TLE4: variants seen among roughly 807,000 people sequenced by gnomAD.
The protein encoded by TLE4 is transducin-like enhancer protein 4.
TLE4 carries 8 observed loss-of-function variants against 92.8 expected under a neutral mutation model. The observed-to-expected ratio is 0.09, with a 90% confidence interval of 0.05 to 0.16. The LOEUF is 0.16. Among genes scored for constraint, TLE4 ranks in the 10% least tolerant of loss-of-function variants. The pLI is 1.00. For synonymous variants in TLE4, 371 were observed against 374.1 expected (o/e 0.99, Z 0.10); for missense variants, 675 against 997.6 (o/e 0.68, Z 4.36).
chr9:79,618,848 TAAA>T (rs1233806131), intron 5 of TLE4, among the ~76,000 whole-genome samples: 2 of 152,160 alleles, frequency 1.3e-5, no homozygotes, highest in African/African-American at 4.8e-5. Context: ...ACAAATGAAA[TAAA>T]GAAGACGTTA....
At chr9:79,697,070 G>A (rs1564994350) in intron 8 of TLE4, among the ~76,000 whole-genome samples, 1 of 152,132 alleles carries the variant, frequency 6.6e-6, no homozygotes, top group Non-Finnish European at 1.5e-5. Flanking sequence ...AATTCCAGAA[G>A]AAAGTGGCCA....
chr9:79,696,610 A>G (rs1321986065), intron 8 of TLE4, among the ~76,000 whole-genome samples: 1 of 152,048 alleles, frequency 6.6e-6, no homozygotes, highest in East Asian at 1.9e-4. Context: ...CACTCTTTGG[A>G]AAAAAAAGTT....
chr9:79,580,015 G>C (rs966046018), intron 4 of TLE4: 2 of 152,122 alleles, frequency 1.3e-5, no homozygotes, highest in Non-Finnish European at 2.9e-5. Flanking sequence ...ATAAGATATT[G>C]ATTTCTGACT....
At position 79,721,857 on chromosome 9, in the gene TLE4, G is replaced by T. The variant is rs773387796; in HGVS notation, c.1955G>T (p.Arg652Leu). 1.2e-6 allele frequency: 2 copies of T among 1,613,522 alleles called. No homozygotes were observed. Among genetic ancestry groups the T allele is most frequent in the Non-Finnish European group, 1.7e-6 (2 of 1,179,814 alleles). The change falls in exon 17 of 20, where the codon CGG becomes CTG. Residue 652 changes from arginine (R) to leucine (L), a missense_variant. Physicochemically the swap from Arg to Leu is moderately radical, Grantham distance 102 (BLOSUM62 -2). This residue lies in a region of TLE4 where 170 missense variants were observed against 359.6 expected (regional missense o/e 0.47). Transcript: ENST00000376552. Reference protein sequence around the residue: ...TVRSWDLREGRQLQQHDFTSQ... With the variant: ...TVRSWDLREGLQLQQHDFTSQ... Reference sequence around the variant, plus strand: ...AGGTCCTGGGACCTGCGCGAGGGGCGGCAGCTGCAGCAGCACGACTTCACC... The same window carrying T: ...AGGTCCTGGGACCTGCGCGAGGGGCTGCAGCTGCAGCAGCACGACTTCACC...
intron 12 of TLE4, 93 bp from the exon 13 acceptor site, chr9:79,708,500 G>A: frequency 7.8e-7 from 1 of 1,281,052 alleles, no homozygotes; most frequent in Non-Finnish European, 1.1e-6. Context: ...AAGCTCATTT[G>A]AACCATAGAT....
At chr9:79,630,081 T>C (rs2133635044) in intron 6 of TLE4, among the ~76,000 whole-genome samples, 1 of 152,314 alleles carries the variant, frequency 6.6e-6, no homozygotes, top group East Asian at 1.9e-4. Flanking sequence ...TCTAAGCCCC[T>C]GCAGACCCTC....
chr9:79,582,673 G>T (rs1429897773), intron 4 of TLE4, among the ~76,000 whole-genome samples: 1 of 133,030 alleles, frequency 7.5e-6, no homozygotes. Flanking sequence ...GATGTGATTC[G>T]ATGGTTTGGT....
Position 79,718,749 on chromosome 9 carries a change from T to C in TLE4, c.1368T>C (p.Asp456=), listed in dbSNP as rs760703392. The part of the protein sequence containing the change: ...KPAYSFHVSA[D]GQMQPVPFPP... ...CATACTCCTTCCATGTTAGCGCAGA[T>C]GGTCAGATGCAGCCTGTCCCTTTTC... Residue 456 remains aspartate (D), a synonymous_variant, in exon 15 of 20, where the codon GAT becomes GAC. Coordinates refer to ENST00000376552, the MANE Select transcript of TLE4 (RefSeq NM_007005.6). The C allele has an allele frequency of 1.2e-5, 19 of 1,614,014 alleles. No individual in the cohort carries two copies. In the East Asian group the frequency reaches 4.2e-4, roughly 36 times the overall value.
intron 5 of TLE4, among the ~76,000 whole-genome samples, chr9:79,620,534 A>G (rs2050699884): frequency 6.6e-6 from 1 of 152,216 alleles, no homozygotes; most frequent in Non-Finnish European, 1.5e-5. Flanking sequence ...TTCCACAGCT[A>G]AAATTGTTTG....
At chr9:79,643,285 T>C (rs2057513528) in intron 6 of TLE4, among the ~76,000 whole-genome samples, 1 of 152,156 alleles carries the variant, frequency 6.6e-6, no homozygotes, top group Non-Finnish European at 1.5e-5. Context: ...TAATTGAAAG[T>C]AAAAGGCAAT....
At chr9:79,574,796 G>A in intron 2 of TLE4, 77 bp from the exon 3 acceptor site, 1 of 1,234,648 alleles carries the variant, frequency 8.1e-7, no homozygotes, top group Non-Finnish European at 1.2e-6. Flanking sequence ...TTGTAGGTGA[G>A]ATTTAGAATA....
At chr9:79,669,825 C>T (rs1306884051) in intron 8 of TLE4, among the ~76,000 whole-genome samples, 2 of 152,120 alleles carry the variant, frequency 1.3e-5, no homozygotes, top group Non-Finnish European at 2.9e-5. Context: ...CATCTTAATC[C>T]TAGAGAGCAG....
chr9:79,629,211 T>A (rs987922621), intron 6 of TLE4, among the ~76,000 whole-genome samples: 44 of 152,130 alleles, frequency 2.9e-4, no homozygotes, highest in African/African-American at 4.8e-4. Context: ...TATTATTATT[T>A]TTTTTTCCTT....
intron 5 of TLE4, among the ~76,000 whole-genome samples, chr9:79,616,995 G>A (rs904479599): frequency 2.6e-5 from 4 of 152,162 alleles, no homozygotes; most frequent in Non-Finnish European, 2.9e-5. Context: ...AACAGACTTG[G>A]CATAGGGAGT....
chr9:79,725,111 T>G lies in TLE4; in HGVS notation c.2289T>G (p.Asp763Glu), dbSNP rs763781314. ...DDKYIVTGSG[D>E]KKATVYEVIY ...AATACATTGTCACTGGCTCTGGGGA[T>G]AAGAAGGCCACAGTTTATGAAGTTA... The change falls in exon 20 of 20, where the codon GAT (aspartate) becomes GAG (glutamate). Residue 763 changes from aspartate (D) to glutamate (E), a missense_variant. Physicochemically the swap from Asp to Glu is conservative, Grantham distance 45. Coordinates refer to ENST00000376552, the MANE Select transcript of TLE4 (RefSeq NM_007005.6). The G allele has an allele frequency of 5.2e-5, 84 of 1,613,856 alleles. No individual in the cohort carries two copies. The highest frequency in any genetic ancestry group is 7.0e-5 in the Non-Finnish European group (83 of 1,179,890).
intron 8 of TLE4, among the ~76,000 whole-genome samples, chr9:79,693,828 A>T (rs1240174793): frequency 6.6e-6 from 1 of 152,210 alleles, no homozygotes; most frequent in African/African-American, 2.4e-5. Flanking sequence ...TGATTGATCA[A>T]ATGGCATTCA....
intron 8 of TLE4, among the ~76,000 whole-genome samples, chr9:79,670,195 A>G (rs1378638762): frequency 6.7e-6 from 1 of 149,650 alleles, no homozygotes; most frequent in Non-Finnish European, 1.5e-5. Context: ...GTTAAATAAG[A>G]AAAAAAAAAG....
At chr9:79,580,983 G>A (rs1287392396) in intron 4 of TLE4, among the ~76,000 whole-genome samples, 1 of 152,096 alleles carries the variant, frequency 6.6e-6, no homozygotes. Context: ...CTATGTGTGT[G>A]GGGGTGGGAA....
chr9:79,722,906 G>A, intron 18 of TLE4, 53 bp from the exon 19 acceptor site: 1 of 1,532,018 alleles, frequency 6.5e-7, no homozygotes, highest in Non-Finnish European at 9.0e-7. Context: ...GCAAATCTTG[G>A]TGTCTGACAG....
Sources: gnomAD v4.1 joint callset for allele counts (sites outside exome capture counted in the v4.1 genomes callset) on GRCh38, gnomAD v4.1.1 for gene constraint, gnomAD v4.1.1 regional missense constraint, MANE v1.5 for transcripts, NCBI Gene and HGNC (gene_info 2026-07-23, HGNC 2026-07-21) for gene names.